Variants in SMARCC1 observed in about 807,000 individuals in gnomAD.
The protein encoded by SMARCC1 is SWI/SNF related BAF chromatin remodeling complex subunit C1.
Under a neutral mutation model 147.4 loss-of-function variants are expected in SMARCC1, and 43 were observed. The observed-to-expected ratio is 0.29, with a 90% CI of 0.23 to 0.38. The LOEUF is 0.38. SMARCC1 is among the 10% of genes least tolerant of loss of function. SMARCC1 has a pLI of 1.00. For missense variants in SMARCC1, 1,119 were observed against 1,381.1 expected (o/e 0.81, Z 3.01); for synonymous variants, 495 against 484.4 (o/e 1.02, Z -0.29).
intron 18 of SMARCC1, among the ~76,000 whole-genome samples, chr3:47,672,852 C>T (rs898137131): frequency 6.6e-6 from 1 of 152,090 alleles, no homozygotes; most frequent in Non-Finnish European, 1.5e-5. Context: ...GAACTCGGCT[C>T]ACTGCAACCT....
intron 2 of SMARCC1, among the ~76,000 whole-genome samples, chr3:47,757,418 A>T (rs1198901605): frequency 1.3e-5 from 2 of 152,166 alleles, no homozygotes; most frequent in Non-Finnish European, 2.9e-5. Flanking sequence ...TTATAACCAC[A>T]AATCTACTAA....
intron 18 of SMARCC1, among the ~76,000 whole-genome samples, chr3:47,674,249 T>C (rs2033540553): frequency 6.6e-6 from 1 of 152,266 alleles, no homozygotes; most frequent in African/African-American, 2.4e-5. Flanking sequence ...TGCTCCTTAT[T>C]CCTTCATGGA....
intron 21 of SMARCC1, among the ~76,000 whole-genome samples, chr3:47,658,145 A>G (rs2033287698): frequency 2.0e-5 from 3 of 152,196 alleles, no homozygotes; most frequent in Non-Finnish European, 4.4e-5. Context: ...AAACAAGAAA[A>G]GCAAGTGGAT....
intron 11 of SMARCC1, among the ~76,000 whole-genome samples, chr3:47,699,947 G>A (rs999777501): frequency 2.0e-5 from 3 of 151,634 alleles, no homozygotes; most frequent in Admixed American, 2.0e-4. Context: ...CACTGTACAA[G>A]TTTAGGGCAG....
chr3:47,632,291 T>A (rs2032901985), intron 24 of SMARCC1, among the ~76,000 whole-genome samples: 1 of 151,904 alleles, frequency 6.6e-6, no homozygotes, highest in African/African-American at 2.4e-5. Context: ...GAAGGATTTG[T>A]GAAACTTAAA....
chr3:47,734,492 G>A (rs2034416800), intron 5 of SMARCC1, among the ~76,000 whole-genome samples: 1 of 151,980 alleles, frequency 6.6e-6, no homozygotes, highest in Non-Finnish European at 1.5e-5. Context: ...TTTTGCAGCA[G>A]GAAAAAAAGA....
At chr3:47,719,589 C>G (rs980133701) in intron 7 of SMARCC1, among the ~76,000 whole-genome samples, 1 of 151,806 alleles carries the variant, frequency 6.6e-6, no homozygotes. Context: ...GTAATCCCAG[C>G]TACTAGGAAG....
chr3:47,755,720 C>T (rs1232195087), intron 2 of SMARCC1, among the ~76,000 whole-genome samples: 3 of 151,286 alleles, frequency 2.0e-5, no homozygotes, highest in Non-Finnish European at 4.4e-5. Flanking sequence ...AGGCCAGGCG[C>T]GGTGGCTCAT....
At chr3:47,591,463 T>C (rs1024854441) in intron 26 of SMARCC1, among the ~76,000 whole-genome samples, 3 of 151,876 alleles carry the variant, frequency 2.0e-5, no homozygotes, top group South Asian at 4.2e-4. Flanking sequence ...ACTGGCCTGA[T>C]AGACTCATAA....
chr3:47,730,926 G>A (rs2034366306), intron 5 of SMARCC1, among the ~76,000 whole-genome samples: 1 of 152,032 alleles, frequency 6.6e-6, no homozygotes, highest in Non-Finnish European at 1.5e-5. Flanking sequence ...TCTTCTTGCT[G>A]CTGGAGGACA....
At chr3:47,772,725 G>A (rs544233694) in intron 2 of SMARCC1, 92 bp downstream of exon 2, 16 of 1,100,808 alleles carry the variant, frequency 1.5e-5, no homozygotes, top group Admixed American at 7.9e-5. Context: ...AATTCTACAC[G>A]CTAGCAGCAG....
chr3:47,752,783 A>G (rs2034642852), intron 2 of SMARCC1, among the ~76,000 whole-genome samples: 2 of 152,082 alleles, frequency 1.3e-5, no homozygotes, highest in South Asian at 4.1e-4. Flanking sequence ...AAAAAGTAGC[A>G]AAAACTGAAA....
chr3:47,640,791 A>G (rs1028189939), intron 21 of SMARCC1, among the ~76,000 whole-genome samples: 1 of 152,190 alleles, frequency 6.6e-6, no homozygotes, highest in Admixed American at 6.5e-5. Context: ...ATATTAGACG[A>G]CACTAGGCTA....
chr3:47,699,637 T>A (rs1215411023), intron 11 of SMARCC1, among the ~76,000 whole-genome samples: 1 of 152,114 alleles, frequency 6.6e-6, no homozygotes, highest in Admixed American at 6.6e-5. Flanking sequence ...GGTATATACA[T>A]ATGTATATTG....
chr3:47,644,360 G>C (rs2033090795), intron 21 of SMARCC1, among the ~76,000 whole-genome samples: 1 of 152,102 alleles, frequency 6.6e-6, no homozygotes, highest in Admixed American at 6.6e-5. Flanking sequence ...GCTGAGCACA[G>C]CGGCATACAC....
intron 2 of SMARCC1, among the ~76,000 whole-genome samples, chr3:47,768,765 T>G (rs1339254808): frequency 6.6e-6 from 1 of 152,128 alleles, no homozygotes. Flanking sequence ...ATAAAATACA[T>G]AACACACACA....
At chr3:47,624,275 A>C (rs1230244180) in intron 24 of SMARCC1, among the ~76,000 whole-genome samples, 1 of 152,158 alleles carries the variant, frequency 6.6e-6, no homozygotes, top group Non-Finnish European at 1.5e-5. Context: ...TAGTGACAGA[A>C]CAAGAATCCA....
rs1576402433 is a variant in SMARCC1 at position 47,661,202 on chromosome 3, C to T, written c.2320+92G>A. On this transcript the variant is annotated intron_variant, in intron 21 of 27. Coordinates refer to ENST00000254480, the MANE Select transcript of SMARCC1 (RefSeq NM_003074.4). ...AAGTTTATACTGATCATTGTACTCACTTTTTAGTGCAAGTAAACCCAATTA... is the reference window on the plus strand; with the variant it reads ...AAGTTTATACTGATCATTGTACTCATTTTTTAGTGCAAGTAAACCCAATTA... 4 of 1,091,600 alleles carry T rather than the reference C, an allele frequency of 3.7e-6. No individual in the cohort carries two copies. In the East Asian group the frequency reaches 7.2e-5, roughly 20 times the overall value. 67.6% of individuals were successfully genotyped at this position (1,091,600 alleles called of 1,614,324 possible). A position where few individuals can be genotyped will look rare whatever the true frequency, so the allele number is the denominator to read the frequency against.
At chr3:47,743,451 G>A (rs949953201) in intron 3 of SMARCC1, among the ~76,000 whole-genome samples, 1 of 150,530 alleles carries the variant, frequency 6.6e-6, no homozygotes, top group African/African-American at 2.4e-5. Context: ...TTTTTTTTGA[G>A]ACAAGCCACT....
Sources: allele counts gnomAD v4.1 joint callset (sites outside exome capture counted in the v4.1 genomes callset), GRCh38; gene constraint gnomAD v4.1.1; transcripts MANE v1.5; gene names NCBI Gene and HGNC (gene_info 2026-07-23, HGNC 2026-07-21).